Variants in GAP43 observed in about 807,000 individuals in gnomAD.
GAP43 encodes the protein growth associated protein 43, also known as neuromodulin.
In GAP43, 6 loss-of-function variants were observed where a neutral mutation model predicts 18.6. The observed-to-expected ratio is 0.32, with a 90% CI of 0.18 to 0.64. GAP43 has a LOEUF of 0.64. GAP43 is among the 30% of genes least tolerant of loss of function. The pLI is 0.78. For missense variants in GAP43, 292 were observed against 295.5 expected (o/e 0.99, Z 0.09); for synonymous variants, 115 against 111.4 (o/e 1.03, Z -0.20).
chr3:115,668,993 C>A (rs921896125), intron 1 of GAP43, among the ~76,000 whole-genome samples: 1 of 151,234 alleles, frequency 6.6e-6, no homozygotes, highest in Non-Finnish European at 1.5e-5. Context: ...CAGCAGTCAT[C>A]TGAGATAGTG....
intron 1 of GAP43, among the ~76,000 whole-genome samples, chr3:115,641,183 C>T (rs1021989289): frequency 2.0e-5 from 3 of 151,534 alleles, no homozygotes; most frequent in African/African-American, 7.3e-5. Flanking sequence ...TTTTTTCCTC[C>T]ATTCTACCAA....
At chr3:115,629,898 T>G (rs1023875313) in intron 1 of GAP43, among the ~76,000 whole-genome samples, 1 of 152,208 alleles carries the variant, frequency 6.6e-6, no homozygotes, top group African/African-American at 2.4e-5. Flanking sequence ...AAAGTGGAAC[T>G]GATCATCAGT....
intron 2 of GAP43, among the ~76,000 whole-genome samples, chr3:115,705,564 T>C (rs997710503): frequency 1.3e-5 from 2 of 152,194 alleles, no homozygotes; most frequent in Admixed American, 6.6e-5. Flanking sequence ...ACTTTTATGA[T>C]TGATCTCATT....
intron 1 of GAP43, among the ~76,000 whole-genome samples, chr3:115,653,059 A>T (rs1055848195): frequency 6.6e-6 from 1 of 152,206 alleles, no homozygotes; most frequent in African/African-American, 2.4e-5. Flanking sequence ...GGGAAGGCAG[A>T]GCTAAAACTT....
At chr3:115,683,147 G>GCACACACACACACA (rs869219452) in intron 2 of GAP43, among the ~76,000 whole-genome samples, 12 of 127,394 alleles carry the variant, frequency 9.4e-5, no homozygotes, top group Non-Finnish European at 1.2e-4. Flanking sequence ...GCGCGCGCGC[G>GCACACACACACACA]CACACACACA....
chr3:115,649,336 C>T (rs1344004197), intron 1 of GAP43, among the ~76,000 whole-genome samples: 2 of 152,104 alleles, frequency 1.3e-5, no homozygotes. Flanking sequence ...CCTCTTAATA[C>T]TATTGCATTA....
At chr3:115,698,050 T>TAATA (rs1399746809) in intron 2 of GAP43, among the ~76,000 whole-genome samples, 1 of 75,276 alleles carries the variant, frequency 1.3e-5, no homozygotes, top group Admixed American at 2.7e-4. Flanking sequence ...ATATTATATA[T>TAATA]TATATAAAAT....
rs1005321167 is a variant in GAP43, at chr3:115,644,075, G to A, written c.30+20356G>A. On this transcript the variant is annotated intron_variant, in intron 1 of 2. Transcript: ENST00000305124. This position sits in a 1 kb window ranked among gnomAD's most constrained non-coding sequence, Gnocchi z 4.2. Reference sequence around the variant, plus strand: ...CAACCTAGCTGTCAGTCTAAGGTATGTGATGCAGCGGATTTCCCAAGAGTG... The same window carrying A: ...CAACCTAGCTGTCAGTCTAAGGTATATGATGCAGCGGATTTCCCAAGAGTG... Among the ~76,000 whole-genome samples, 6 of 152,016 alleles carry A rather than the reference G, an allele frequency of 3.9e-5. No homozygotes were observed. Among genetic ancestry groups the A allele is most frequent in the Non-Finnish European group, 5.9e-5 (4 of 67,984 alleles).
chr3:115,648,285 A>C (rs1444342059), intron 1 of GAP43, among the ~76,000 whole-genome samples: 1 of 151,910 alleles, frequency 6.6e-6, no homozygotes, highest in Non-Finnish European at 1.5e-5. Flanking sequence ...ACCCTATCTG[A>C]TATGCTGTCC....
intron 2 of GAP43, among the ~76,000 whole-genome samples, chr3:115,691,054 C>T (rs977542815): frequency 2.0e-5 from 3 of 151,458 alleles, no homozygotes; most frequent in Non-Finnish European, 4.4e-5. Context: ...TGCGCCTGGC[C>T]CCCTCTGGGC....
intron 2 of GAP43, among the ~76,000 whole-genome samples, chr3:115,698,499 A>G (rs1411158632): frequency 1.3e-5 from 2 of 150,322 alleles, no homozygotes; most frequent in African/African-American, 2.5e-5. Flanking sequence ...GAACACTGTG[A>G]GACAAACAAA....
At chr3:115,692,372 C>T (rs1367620372) in intron 2 of GAP43, among the ~76,000 whole-genome samples, 1 of 152,192 alleles carries the variant, frequency 6.6e-6, no homozygotes, top group East Asian at 1.9e-4. Flanking sequence ...TTCCACACTA[C>T]ACAGGCATTG....
intron 1 of GAP43, among the ~76,000 whole-genome samples, chr3:115,661,831 C>CTTTTTTTTTTTTTTT (rs56209932): frequency 0.012 from 1,255 of 105,826 alleles, 154 homozygotes; most frequent in African/African-American, 0.03. Flanking sequence ...GAAACTAGGG[C>CTTTTTTTTTTTTTTT]TTTTTTTTTT....
chr3:115,714,398 A>G (rs372834143), intron 2 of GAP43, among the ~76,000 whole-genome samples: 5 of 152,134 alleles, frequency 3.3e-5, no homozygotes, highest in African/African-American at 1.2e-4. Context: ...CTAAAATGCC[A>G]TGGCATGGGC....
intron 1 of GAP43, among the ~76,000 whole-genome samples, chr3:115,665,160 A>G (rs1054141809): frequency 2.0e-5 from 3 of 152,142 alleles, no homozygotes. Context: ...TGTGCTTGCT[A>G]TACAAGTGCA....
At chr3:115,668,263 C>T (rs1281917475) in intron 1 of GAP43, among the ~76,000 whole-genome samples, 1 of 152,194 alleles carries the variant, frequency 6.6e-6, no homozygotes, top group Non-Finnish European at 1.5e-5. Flanking sequence ...ACACTGGGCT[C>T]TTCCAACCCC....
intron 1 of GAP43, chr3:115,663,526 A>G (rs1708693495): frequency 1.6e-6 from 2 of 1,242,736 alleles, no homozygotes; most frequent in Non-Finnish European, 2.0e-6. Flanking sequence ...TTCAGAATTA[A>G]AAGGGAACCT....
intron 1 of GAP43, among the ~76,000 whole-genome samples, chr3:115,628,975 G>T (rs552525609): frequency 6.6e-6 from 1 of 152,260 alleles, no homozygotes; most frequent in South Asian, 2.1e-4. Context: ...GTCTTCTGTT[G>T]TGTATCACAC....
intron 1 of GAP43, among the ~76,000 whole-genome samples, chr3:115,671,608 A>G (rs143791612): frequency 4.7e-4 from 72 of 152,328 alleles, no homozygotes; most frequent in Middle Eastern, 3.4e-3. Context: ...CTTCCTACCT[A>G]TAATGTACTG....
Sources: allele counts gnomAD v4.1 joint callset (sites outside exome capture counted in the v4.1 genomes callset), GRCh38; gene constraint gnomAD v4.1.1; non-coding constraint Gnocchi (gnomAD v3.1); transcripts MANE v1.5; gene names NCBI Gene and HGNC (gene_info 2026-07-23, HGNC 2026-07-21).